The following SMG1 variants were observed in gnomAD, a reference collection of about 807,000 sequenced individuals.
The protein encoded by SMG1 is SMG1 nonsense mediated mRNA decay associated PI3K related kinase.
Under a neutral mutation model 419.9 loss-of-function variants are expected in SMG1, and 22 were observed. That is an observed-to-expected ratio of 0.05 (90% CI 0.04 to 0.07). The LOEUF is 0.07. Ranked by LOEUF, SMG1 falls within the 10% of genes least tolerant of loss-of-function variation. The pLI is 1.00. For synonymous variants in SMG1, 1,538 were observed against 1,553.5 expected (o/e 0.99, Z 0.23); for missense variants, 3,185 against 4,342.0 (o/e 0.73, Z 7.49).
At chr16:18,836,865 T>TAA (rs2033611562) in intron 46 of SMG1, among the ~76,000 whole-genome samples, 1 of 152,230 alleles carries the variant, frequency 6.6e-6, no homozygotes, top group Non-Finnish European at 1.5e-5. Context: ...GCACCTGCTG[T>TAA]GTATAAGGTT....
chr16:18,815,575 T>G lies in SMG1; in HGVS notation c.10379A>C (p.Lys3460Thr). The change falls in exon 59 of 63, where the codon AAA (lysine) becomes ACA (threonine). Residue 3460 changes from lysine (K) to threonine (T), a missense_variant. Physicochemically the swap from Lys to Thr is moderately conservative, Grantham distance 78 (BLOSUM62 -1). Transcript: ENST00000446231. ...TGTTTGAATGTTGTCTTGCCATGAT[T>G]TATATTCACCCAAAAACTGCCTAAC... Reference protein sequence around the residue: ...NSVRQFLGEYKSWQDNIQTVL... With the variant: ...NSVRQFLGEYTSWQDNIQTVL... 6.2e-7 allele frequency: 1 copy of G among 1,614,006 alleles called. No individual in the cohort carries two copies. The highest frequency in any genetic ancestry group is 1.3e-5 in the African/African-American group (1 of 75,042).
chr16:18,831,309 T>A (rs2033156016), intron 51 of SMG1, among the ~76,000 whole-genome samples: 1 of 152,188 alleles, frequency 6.6e-6, no homozygotes, highest in Admixed American at 6.5e-5. Context: ...TAAGATGGTA[T>A]GAGATTTTCC....
chr16:18,839,984 AATT>A lies in SMG1; in HGVS notation c.6697-41_6697-39del, dbSNP rs775652948. The A allele has an allele frequency of 2.1e-6, 3 of 1,455,122 alleles. 1 individual carries two copies. The South Asian group carries it at 3.9e-5, about 19-fold the overall frequency. The allele number at this position is 1,455,122 out of a possible 1,614,324, so 90.1% of individuals were successfully genotyped here. On this transcript the variant is annotated intron_variant, in intron 41 of 62. Transcript: ENST00000446231. ...CAATTTTTTTAAAAAAGAAAAGATC[AATT>A]TTATATAAGGAAAAAGAGTGCCTTT...
chr16:18,909,455 G>T (rs1280112810), intron 1 of SMG1, among the ~76,000 whole-genome samples: 1 of 152,284 alleles, frequency 6.6e-6, no homozygotes, highest in East Asian at 1.9e-4. Context: ...GAAACAGGAG[G>T]ATCACTCGAG....
chr16:18,895,629 GC>G (rs2037089244), intron 3 of SMG1, among the ~76,000 whole-genome samples: 1 of 151,470 alleles, frequency 6.6e-6, no homozygotes. Context: ...AACTACCATG[GC>G]ACACGTTTAC....
intron 60 of SMG1, among the ~76,000 whole-genome samples, chr16:18,812,790 A>C (rs2031590884): frequency 6.6e-6 from 1 of 152,042 alleles, no homozygotes; most frequent in Non-Finnish European, 1.5e-5. Flanking sequence ...CATTTACATT[A>C]GGTATATCTC....
intron 55 of SMG1, among the ~76,000 whole-genome samples, chr16:18,820,786 CTT>C (rs768313049): frequency 6.6e-6 from 1 of 152,150 alleles, no homozygotes; most frequent in Non-Finnish European, 1.5e-5. Flanking sequence ...CATTAAAAAA[CTT>C]TTAAAACATC....
chr16:18,874,188 G>C (rs1197153397), intron 13 of SMG1, among the ~76,000 whole-genome samples: 1 of 152,020 alleles, frequency 6.6e-6, no homozygotes, highest in African/African-American at 2.4e-5. Context: ...GCCCAGACTG[G>C]AGTGCAGTGG....
At chr16:18,906,010 C>T (rs2037546200) in intron 1 of SMG1, among the ~76,000 whole-genome samples, 1 of 152,160 alleles carries the variant, frequency 6.6e-6, no homozygotes, top group Admixed American at 6.6e-5. Context: ...TCACACCCAT[C>T]TGGTAAAACC....
Position 18,876,379 on chromosome 16 carries a change from G to C in SMG1, c.1635C>G (p.Ala545=). Residue 545 remains alanine (A), a synonymous_variant, in exon 13 of 63, where the codon GCC becomes GCG. Coordinates refer to ENST00000446231, the MANE Select transcript of SMG1 (RefSeq NM_015092.5). ...TGAGCACTGCTTGATAAACAGCATG[G>C]GCTACAGCAACAACCTGAAAAACAA... ...YHKEKEVVAV[A]HAVYQAVLSL... 1 of 1,608,218 alleles carries C rather than the reference G, an allele frequency of 6.2e-7. No homozygotes were observed. Among genetic ancestry groups the C allele is most frequent in the Non-Finnish European group, 8.5e-7 (1 of 1,177,892 alleles).
intron 55 of SMG1, 91 bp downstream of exon 55, chr16:18,827,940 T>G: frequency 7.2e-7 from 1 of 1,379,706 alleles, no homozygotes; most frequent in Non-Finnish European, 9.8e-7. Context: ...GACACACAAA[T>G]AGACACACTG....
In SMG1 at chr16:18,817,346, G is replaced by A. The variant is rs1437925822; in HGVS notation, c.10019C>T (p.Ala3340Val). Residue 3340 changes from alanine to valine, a missense_variant, in exon 57 of 63, where the codon GCA becomes GTA. By Grantham distance (64) the Ala-to-Val change is moderately conservative (BLOSUM62 0). Coordinates refer to ENST00000446231, the MANE Select transcript of SMG1 (RefSeq NM_015092.5). Reference sequence around the variant, plus strand: ...AGACACTGAACTGTTAAACTGTGATGCAAACGAACACATCTGCTGACATCG... The same window carrying A: ...AGACACTGAACTGTTAAACTGTGATACAAACGAACACATCTGCTGACATCG... ...IKRCQQMCSF[A>V]SQFNSSVSEL... 19 of 1,612,382 alleles carry A rather than the reference G, an allele frequency of 1.2e-5. No individual in the cohort carries two copies. Among genetic ancestry groups the A allele is most frequent in the Non-Finnish European group, 1.6e-5 (19 of 1,179,196 alleles).
chr16:18,906,343 T>C, intron 1 of SMG1, among the ~76,000 whole-genome samples: 1 of 151,892 alleles, frequency 6.6e-6, no homozygotes, highest in South Asian at 2.1e-4. Context: ...ATTAGCTGGG[T>C]GTGGTGGTGC....
intron 12 of SMG1, among the ~76,000 whole-genome samples, chr16:18,876,604 T>C (rs975365421): frequency 6.6e-6 from 1 of 151,788 alleles, no homozygotes; most frequent in Non-Finnish European, 1.5e-5. Context: ...CTATAAAGTT[T>C]TATCACAAAT....
chr16:18,903,062 T>C (rs1360904869), intron 1 of SMG1, among the ~76,000 whole-genome samples: 2 of 152,134 alleles, frequency 1.3e-5, no homozygotes, highest in Non-Finnish European at 2.9e-5. Context: ...TGGGCTCAAG[T>C]GATCCACTCA....
Position 18,839,715 on chromosome 16 carries a change from A to C in SMG1, c.6928T>G (p.Trp2310Gly). Residue 2310 changes from tryptophan (W) to glycine (G), a missense_variant, in exon 42 of 63, where the codon TGG becomes GGG. Physicochemically the swap from Trp to Gly is radical, Grantham distance 184. This residue lies in a region of SMG1 where 132 missense variants were observed against 151.0 expected (regional missense o/e 0.87). Coordinates refer to ENST00000446231, the MANE Select transcript of SMG1 (RefSeq NM_015092.5). ...LWSSCTTPDE[W>G]WRVTQSYARS... ...GCACATACCTGCGTAACTCTCCACC[A>C]TTCATCAGGTGTTGTGCAAGATGAC... 6.2e-7 allele frequency: 1 copy of C among 1,614,022 alleles called. No individual in the cohort carries two copies. The highest frequency in any genetic ancestry group is 8.5e-7 in the Non-Finnish European group (1 of 1,179,888).
At chr16:18,889,017 G>T (rs1196076468) in intron 6 of SMG1, among the ~76,000 whole-genome samples, 1 of 151,106 alleles carries the variant, frequency 6.6e-6, no homozygotes, top group Non-Finnish European at 1.5e-5. Context: ...GTAGATATGG[G>T]GTTTCACTAT....
chr16:18,899,473 A>G, intron 1 of SMG1, among the ~76,000 whole-genome samples: 1 of 152,148 alleles, frequency 6.6e-6, no homozygotes, highest in Middle Eastern at 3.2e-3. Flanking sequence ...AGCATCCCCA[A>G]CCAGAACTCA....
chr16:18,870,947 TG>T, intron 16 of SMG1, 59 bp from the exon 17 acceptor site: 1 of 803,380 alleles, frequency 1.2e-6, no homozygotes, highest in Non-Finnish European at 2.0e-6. Flanking sequence ...TATCCCAGTT[TG>T]TCATAATTAT....
Sources: allele counts gnomAD v4.1 joint callset (sites outside exome capture counted in the v4.1 genomes callset), GRCh38; gene constraint gnomAD v4.1.1; regional missense constraint gnomAD v4.1.1; transcripts MANE v1.5; gene names NCBI Gene and HGNC (gene_info 2026-07-23, HGNC 2026-07-21).